LSAMP: variants seen among roughly 807,000 people sequenced by gnomAD.
LSAMP encodes the protein limbic system associated membrane protein, also known as limbic system-associated membrane protein.
Under a neutral mutation model 38.6 loss-of-function variants are expected in LSAMP, and 7 were observed. The ratio of observed to expected loss-of-function variants is 0.18; its 90% confidence interval spans 0.10 to 0.34. The LOEUF (loss-of-function observed/expected upper bound fraction) is 0.34. LSAMP is among the 10% of genes least tolerant of loss of function. The pLI, the probability that LSAMP is intolerant of heterozygous loss-of-function variation, is 1.00. For missense variants in LSAMP, 313 were observed against 420.0 expected (o/e 0.75, Z 2.23); for synonymous variants, 154 against 166.8 (o/e 0.92, Z 0.59).
intron 3 of LSAMP, among the ~76,000 whole-genome samples, chr3:115,968,571 C>A (rs2107606839): frequency 1.3e-5 from 2 of 152,274 alleles, no homozygotes; most frequent in East Asian, 3.9e-4. Context: ...ACCCAAGTTG[C>A]AAGACAAAGT....
intron 1 of LSAMP, among the ~76,000 whole-genome samples, chr3:116,197,473 G>T (rs1456004680): frequency 6.6e-6 from 1 of 152,090 alleles, no homozygotes; most frequent in Non-Finnish European, 1.5e-5. Flanking sequence ...AGCTAGATCG[G>T]ATAAGTTACA....
intron 3 of LSAMP, among the ~76,000 whole-genome samples, chr3:115,982,846 T>G (rs987563302): frequency 6.6e-6 from 1 of 152,028 alleles, no homozygotes; most frequent in African/African-American, 2.4e-5. Context: ...TATCTGCCTG[T>G]CACTGTCTTT....
intron 1 of LSAMP, among the ~76,000 whole-genome samples, chr3:116,291,682 C>T (rs944693726): frequency 4.6e-5 from 7 of 152,108 alleles, no homozygotes; most frequent in African/African-American, 1.7e-4. Flanking sequence ...TTCTTTCCTC[C>T]CATATGGCCC....
intron 4 of LSAMP, among the ~76,000 whole-genome samples, chr3:115,849,036 A>G (rs1168931801): frequency 6.6e-6 from 1 of 152,236 alleles, no homozygotes; most frequent in Non-Finnish European, 1.5e-5. Context: ...AAATTGAGGA[A>G]CTGCACCTAG....
Position 116,432,300 on chromosome 3 carries a change from T to C in LSAMP, c.155+12577A>G, listed in dbSNP as rs12107955. Among the ~76,000 whole-genome samples, 615 of 151,884 alleles carry C rather than the reference T, an allele frequency of 4.0e-3. 3 individuals carry two copies. Among genetic ancestry groups the C allele is most frequent in the African/African-American group, 0.014 (589 of 41,524 alleles). Reference sequence around the variant, plus strand: ...TTTTATGTACATATAAAAATCACATTTATGCTTTTACTTTTTTACATATAA... The same window carrying C: ...TTTTATGTACATATAAAAATCACATCTATGCTTTTACTTTTTTACATATAA... On this transcript the variant is annotated intron_variant, in intron 1 of 6. Coordinates refer to ENST00000490035, the MANE Select transcript of LSAMP (RefSeq NM_002338.5).
intron 1 of LSAMP, among the ~76,000 whole-genome samples, chr3:116,102,777 A>ATCTGTCTGTCTGTCTG (rs1255190693): frequency 6.6e-6 from 1 of 150,712 alleles, no homozygotes; most frequent in African/African-American, 2.5e-5. Flanking sequence ...TTATCTATCT[A>ATCTGTCTGTCTGTCTG]TCTATCTATC....
chr3:116,296,694 CAAAAAAAAAAAAAA>C (rs10659032), intron 1 of LSAMP, among the ~76,000 whole-genome samples: 17 of 59,728 alleles, frequency 2.8e-4, no homozygotes, highest in African/African-American at 9.2e-4. Context: ...GACTCTGTCT[CAAAAAAAAAAAAAA>C]AAAAAAAAAA....
At chr3:115,892,035 A>T (rs1308670648) in intron 3 of LSAMP, among the ~76,000 whole-genome samples, 1 of 152,006 alleles carries the variant, frequency 6.6e-6, no homozygotes, top group Non-Finnish European at 1.5e-5. Context: ...GTAATATGAT[A>T]TGAACATGTC....
Position 116,266,400 on chromosome 3 carries a change from G to C in LSAMP, c.155+178477C>G, listed in dbSNP as rs116000514. ...TGCTTGCAAGCCAAGAACTTTGAGA[G>C]AGGGCAGAAAGGTCAAGTAACAGAA... is the stretch of plus-strand genomic sequence containing the variant. On this transcript the variant is annotated intron_variant, in intron 1 of 6. Coordinates refer to ENST00000490035, the MANE Select transcript of LSAMP (RefSeq NM_002338.5). Among the ~76,000 whole-genome samples the C allele has an allele frequency of 1.0e-2, 1,517 of 152,274 alleles. 9 individuals carry two copies. The highest frequency in any genetic ancestry group is 0.022 in the South Asian group (105 of 4,818).
chr3:116,101,522 C>T (rs1428641089), intron 1 of LSAMP, among the ~76,000 whole-genome samples: 1 of 152,134 alleles, frequency 6.6e-6, no homozygotes, highest in Non-Finnish European at 1.5e-5. Context: ...ACATATACAT[C>T]ATCTCAAACA....
chr3:115,940,396 T>G (rs1224809564), intron 3 of LSAMP, among the ~76,000 whole-genome samples: 3 of 150,534 alleles, frequency 2.0e-5, no homozygotes, highest in African/African-American at 7.3e-5. Flanking sequence ...TGGTGCATTT[T>G]TACAGAGTGC....
chr3:116,030,984 G>T (rs1940906036), intron 2 of LSAMP, among the ~76,000 whole-genome samples: 2 of 151,766 alleles, frequency 1.3e-5, no homozygotes, highest in Non-Finnish European at 2.9e-5. Flanking sequence ...TTTTTTCTGT[G>T]TTCTATTAAT....
At chr3:116,047,271 G>A (rs545570928) in intron 2 of LSAMP, among the ~76,000 whole-genome samples, 2 of 151,186 alleles carry the variant, frequency 1.3e-5, no homozygotes, top group Admixed American at 6.6e-5. Context: ...AACTCAGTCC[G>A]AAACAGAAAA....
chr3:116,414,397 C>T (rs112872404), intron 1 of LSAMP, among the ~76,000 whole-genome samples: 34 of 152,236 alleles, frequency 2.2e-4, no homozygotes, highest in African/African-American at 8.2e-4. Flanking sequence ...CACAGTCCTA[C>T]CCTGCCCAGC....
chr3:115,887,647 G>A (rs755583575), intron 3 of LSAMP, among the ~76,000 whole-genome samples: 21 of 151,856 alleles, frequency 1.4e-4, no homozygotes, highest in Non-Finnish European at 2.2e-4. Flanking sequence ...TCTGAAATGC[G>A]TTTTTCAGAG....
chr3:115,994,378 T>G (rs1213776097), intron 3 of LSAMP, among the ~76,000 whole-genome samples: 1 of 152,058 alleles, frequency 6.6e-6, no homozygotes, highest in East Asian at 1.9e-4. Context: ...ATAAAAACAG[T>G]TACTACTCTC....
intron 1 of LSAMP, among the ~76,000 whole-genome samples, chr3:116,405,258 T>C (rs1309266906): frequency 6.6e-6 from 1 of 152,132 alleles, no homozygotes; most frequent in Non-Finnish European, 1.5e-5. Context: ...TCATTTCCTA[T>C]TATGTTACAC....
chr3:116,298,429 A>G (rs771756123), intron 1 of LSAMP, among the ~76,000 whole-genome samples: 7 of 149,700 alleles, frequency 4.7e-5, no homozygotes, highest in South Asian at 2.1e-4. Flanking sequence ...CAGAAGGGGG[A>G]AAAAAAAAAC....
Position 115,809,987 on chromosome 3 carries a change from C to A in LSAMP, c.*330G>T. The A allele has an allele frequency of 5.0e-6, 1 of 199,344 alleles. No homozygotes were observed. Among genetic ancestry groups the A allele is most frequent in the Non-Finnish European group, 1.0e-5 (1 of 100,070 alleles). The allele number at this position is 199,344 out of a possible 1,614,324, so 12.3% of individuals were successfully genotyped here. On this transcript the variant is annotated 3_prime_UTR_variant, in exon 7 of 7. Coordinates refer to ENST00000490035, the MANE Select transcript of LSAMP (RefSeq NM_002338.5). ...TGGGGGGCTTAATATCCATCTGGTTCTTCTCTTATTTTTACAGCATCCAGA... is the reference window on the plus strand; with the variant it reads ...TGGGGGGCTTAATATCCATCTGGTTATTCTCTTATTTTTACAGCATCCAGA...
Sources: allele counts gnomAD v4.1 joint callset (sites outside exome capture counted in the v4.1 genomes callset), GRCh38; gene constraint gnomAD v4.1.1; transcripts MANE v1.5; gene names NCBI Gene and HGNC (gene_info 2026-07-23, HGNC 2026-07-21).